Variants in ZNF540 observed in about 807,000 individuals in gnomAD.
ZNF540 encodes the protein zinc finger protein 540.
Under a neutral mutation model 11.8 loss-of-function variants are expected in ZNF540, and 3 were observed. The observed-to-expected ratio is 0.25, with a 90% CI of 0.12 to 0.65. The LOEUF (loss-of-function observed/expected upper bound fraction) is 0.65. Among genes scored for constraint, ZNF540 ranks in the 30% least tolerant of loss-of-function variants. The pLI is 0.83. For missense variants in ZNF540, 709 were observed against 793.1 expected, an observed-to-expected ratio of 0.89 and a Z score of 1.27; for synonymous variants, 247 against 259.0, an observed-to-expected ratio of 0.95 and a Z score of 0.45.
intron 1 of ZNF540, chr19:37,566,539 G>A: frequency 5.1e-6 from 2 of 394,758 alleles, no homozygotes; most frequent in Non-Finnish European, 9.0e-6. Flanking sequence ...ATGGCTTAGA[G>A]ACACCCAGGA....
chr19:37,570,225 TATCCC>T (rs2043005674), intron 1 of ZNF540, among the ~76,000 whole-genome samples: 1 of 152,228 alleles, frequency 6.6e-6, no homozygotes, highest in Admixed American at 6.5e-5. Flanking sequence ...CTAGGACTCT[TATCCC>T]ATCCATGTCC....
intron 1 of ZNF540, among the ~76,000 whole-genome samples, chr19:37,552,590 T>G (rs1232650221): frequency 1.3e-5 from 2 of 152,214 alleles, no homozygotes; most frequent in Admixed American, 1.3e-4. Flanking sequence ...AATACACTTC[T>G]ATAGTATTAT....
chr19:37,558,050 T>C (rs780065754), intron 1 of ZNF540, among the ~76,000 whole-genome samples: 1 of 152,100 alleles, frequency 6.6e-6, no homozygotes, highest in Non-Finnish European at 1.5e-5. Context: ...GGCTTTGAGA[T>C]ATTAGGGAGG....
intron 1 of ZNF540, chr19:37,585,835 A>G (rs1006743309): frequency 2.0e-5 from 3 of 152,176 alleles, no homozygotes; most frequent in South Asian, 2.1e-4. Flanking sequence ...GTTGGGCCCA[A>G]TGTATTTGTA....
At chr19:37,590,412 G>C (rs538340801), upstream of ZNF540, among the ~76,000 whole-genome samples, 244 of 145,974 alleles carry the variant, frequency 1.7e-3, no homozygotes, top group Non-Finnish European at 3.2e-3. Flanking sequence ...GTGAGGCTCC[G>C]TTTCAAAAAA....
rs115388415 is a variant in ZNF540, at chr19:37,565,718, T to C, written c.-73+14053T>C. 4.6e-4 allele frequency: 741 copies of C among 1,613,968 alleles called. 5 individuals carry two copies. The African/African-American group carries it at 7.8e-3, about 17-fold the overall frequency. ...ATGAACTCTCTGATGTTCAGTGAGC[T>C]GTGAACCACGAATAAAAGCTTTCCC... On this transcript the variant is annotated intron_variant, in intron 1 of 4. Transcript: ENST00000592533.
chr19:37,554,669 G>GC (rs2042641166), intron 1 of ZNF540: 1 of 151,932 alleles, frequency 6.6e-6, no homozygotes, highest in South Asian at 2.1e-4. Context: ...CCTTCTCCCC[G>GC]CTTCTCAGAC....
chr19:37,584,429 T>G (rs530296149), intron 1 of ZNF540, among the ~76,000 whole-genome samples: 190 of 152,332 alleles, frequency 1.2e-3, no homozygotes, highest in African/African-American at 4.1e-3. Context: ...CCTCAATAAC[T>G]AATATACTCT....
At chr19:37,553,518 G>T (rs1287425822) in intron 1 of ZNF540, among the ~76,000 whole-genome samples, 1 of 151,894 alleles carries the variant, frequency 6.6e-6, no homozygotes, top group African/African-American at 2.4e-5. Flanking sequence ...CAATCATCTT[G>T]CTCTTTATTC....
intron 1 of ZNF540, among the ~76,000 whole-genome samples, chr19:37,571,500 A>G (rs1212609717): frequency 1.3e-5 from 2 of 152,156 alleles, no homozygotes; most frequent in Non-Finnish European, 2.9e-5. Context: ...CATCTCAAAA[A>G]AACAAAAACA....
intron 1 of ZNF540, among the ~76,000 whole-genome samples, chr19:37,584,690 C>T (rs1418803705): frequency 2.6e-5 from 4 of 152,090 alleles, no homozygotes; most frequent in African/African-American, 7.2e-5. Context: ...CGGCCGGGCG[C>T]GGTGGCTCAC....
At chr19:37,567,972 T>G (rs891730976) in intron 1 of ZNF540, among the ~76,000 whole-genome samples, 4 of 152,192 alleles carry the variant, frequency 2.6e-5, no homozygotes, top group Non-Finnish European at 5.9e-5. Flanking sequence ...ATTTATTACT[T>G]AAGGCCAAAT....
Position 37,611,757 on chromosome 19 carries a change from T to C in ZNF540, c.477T>C (p.Thr159=). 1 of 1,614,018 alleles carries C rather than the reference T, an allele frequency of 6.2e-7. No individual in the cohort carries two copies. Among genetic ancestry groups the C allele is most frequent in the African/African-American group, 1.3e-5 (1 of 75,056 alleles). ...CTGATAGAAAACGTCCCTCTTTTAC[T>C]CTGAATCAGAGAATTCACAATAGTG... ...MSTDRKRPSF[T]LNQRIHNSEK... is the part of the protein sequence containing the mutation. Residue 159 remains threonine (T), a synonymous_variant, in exon 5 of 5, where the codon ACT becomes ACC. Transcript: ENST00000316433.
intron 1 of ZNF540, chr19:37,560,828 A>G (rs2042708047): frequency 6.6e-6 from 1 of 152,114 alleles, no homozygotes; most frequent in African/African-American, 2.4e-5. Context: ...TTTTGAGAGA[A>G]ATTTGTCTGA....
chr19:37,604,295 A>ATTTTTT (rs1491343746), intron 4 of ZNF540, among the ~76,000 whole-genome samples: 13 of 33,904 alleles, frequency 3.8e-4, no homozygotes, highest in Middle Eastern at 0.013. Context: ...AAATAGCCTT[A>ATTTTTT]CTTTTTTTTT....
chr19:37,611,838 A>C lies in ZNF540; in HGVS notation c.558A>C (p.Lys186Asn). ...ATGGGAAAATAGATTCTGATGTGAAACATGATTGTAAAGAATGTGGGAGTA... is the reference window on the plus strand; with the variant it reads ...ATGGGAAAATAGATTCTGATGTGAACCATGATTGTAAAGAATGTGGGAGTA... ...VQHGKIDSDV[K>N]HDCKECGSTF... The change falls in exon 5 of 5, where the codon AAA becomes AAC. Residue 186 changes from lysine (K) to asparagine (N), a missense_variant. Transcript: ENST00000316433. The C allele has an allele frequency of 6.2e-7, 1 of 1,614,028 alleles. No individual in the cohort carries two copies. The highest frequency in any genetic ancestry group is 8.5e-7 in the Non-Finnish European group (1 of 1,179,958).
At chr19:37,576,948 T>C (rs1307865284) in intron 1 of ZNF540, among the ~76,000 whole-genome samples, 1 of 152,098 alleles carries the variant, frequency 6.6e-6, no homozygotes, top group Admixed American at 6.5e-5. Flanking sequence ...TAAACCTCAC[T>C]ATCTCTTGCT....
At position 37,613,799 on chromosome 19, in the gene ZNF540, T is replaced by C. The variant is rs1026025097; in HGVS notation, c.*536T>C. 1.0e-5 allele frequency: 4 copies of C among 398,660 alleles called. No individual in the cohort carries two copies. The East Asian group carries it at 1.4e-4, about 14-fold the overall frequency. The allele number at this position is 398,660 out of a possible 1,614,324, so 24.7% of individuals were successfully genotyped here. A position where few individuals can be genotyped will look rare whatever the true frequency, so the allele number is the denominator to read the frequency against. ...ATAAAATCTGTTATGGGCTGAATGT[T>C]TGTGTTCCCGTAACAATTCCTATGT... On this transcript the variant is annotated 3_prime_UTR_variant, in exon 5 of 5. Transcript: ENST00000316433.
intron 2 of ZNF540, among the ~76,000 whole-genome samples, chr19:37,599,055 T>G (rs1370340817): frequency 1.3e-5 from 2 of 152,148 alleles, no homozygotes; most frequent in African/African-American, 4.8e-5. Context: ...ACATAAATAT[T>G]AGTTAATTGT....
Sources: allele counts gnomAD v4.1 joint callset (sites outside exome capture counted in the v4.1 genomes callset), GRCh38; gene constraint gnomAD v4.1.1; transcripts MANE v1.5; gene names NCBI Gene and HGNC (gene_info 2026-07-23, HGNC 2026-07-21).